Variants in KIF17 observed in about 807,000 individuals in gnomAD.
KIF17 encodes kinesin-like protein KIF17.
A neutral mutation model predicts 96.8 loss-of-function variants in KIF17; 80 were observed. That is an observed-to-expected ratio of 0.83 (90% CI 0.69 to 1.00). The LOEUF is 1.00. Ranked by LOEUF, KIF17 falls within the 50% of genes least tolerant of loss-of-function variation. The probability of loss-of-function intolerance (pLI) is 0.00; values close to 1 mark genes in which losing one functional copy is unlikely to be tolerated. For synonymous variants in KIF17, 567 were observed against 587.5 expected (o/e 0.97, Z 0.51); for missense variants, 1,280 against 1,372.9 (o/e 0.93, Z 1.07).
At position 20,695,005 on chromosome 1, in the gene KIF17, C is replaced by T. The variant is rs1213833165; in HGVS notation, c.1233+3374G>A. On this transcript the variant is annotated intron_variant, in intron 6 of 14. Coordinates refer to ENST00000400463, the MANE Select transcript of KIF17 (RefSeq NM_001122819.3). ...ACGTGGATGGAAACACACATATATG[C>T]GCACACACACATGCAGGCACACACA... 2.6e-5 allele frequency among the ~76,000 whole-genome samples: 4 copies of T among 152,160 alleles called. No individual in the cohort carries two copies. In the South Asian group the frequency reaches 6.2e-4, roughly 24 times the overall value.
At chr1:20,682,591 G>A (rs1251034139) in intron 11 of KIF17, 62 bp downstream of exon 11, 1 of 1,441,994 alleles carries the variant, frequency 6.9e-7, no homozygotes, top group African/African-American at 1.4e-5. Flanking sequence ...AGGGATGCCT[G>A]GATCGGGGGG....
In KIF17 at chr1:20,709,924, C is replaced by A; in HGVS notation, c.481-96G>T. On this transcript the variant is annotated intron_variant, in intron 3 of 14. Transcript: ENST00000400463. The surrounding 1 kb of genome is among the most constrained non-coding windows in gnomAD (Gnocchi z 4.7). ...ACCAGAGAGAAGGGCCCCATCCAGACCGCCCTCGCCCTCCTGTAATGCAGG... is the reference window on the plus strand; with the variant it reads ...ACCAGAGAGAAGGGCCCCATCCAGAACGCCCTCGCCCTCCTGTAATGCAGG... 1 of 1,141,236 alleles carries A rather than the reference C, an allele frequency of 8.8e-7. No homozygotes were observed. The highest frequency in any genetic ancestry group is 1.3e-6 in the Non-Finnish European group (1 of 779,526). 70.7% of individuals were successfully genotyped at this position (1,141,236 alleles called of 1,614,324 possible). A position where few individuals can be genotyped will look rare whatever the true frequency, so the allele number is the denominator to read the frequency against.
At position 20,686,178 on chromosome 1, in the gene KIF17, C is replaced by T. The variant is rs1337868947; in HGVS notation, c.1939-52G>A. The stretch of plus-strand genomic sequence containing the variant: ...AAAGAAGGCTGATTTGGGCCAGAAC[C>T]ATCCTTTACTCCCTCACCCCTGGCC... On this transcript the variant is annotated intron_variant, in intron 8 of 14. Coordinates refer to ENST00000400463, the MANE Select transcript of KIF17 (RefSeq NM_001122819.3). 3.4e-6 allele frequency: 5 copies of T among 1,453,904 alleles called. No individual in the cohort carries two copies. The East Asian group carries it at 1.2e-4, about 36-fold the overall frequency. The allele number at this position is 1,453,904 out of a possible 1,614,324, so 90.1% of individuals were successfully genotyped here.
At position 20,690,756 on chromosome 1, in the gene KIF17, G is replaced by A. The variant is rs373730742; in HGVS notation, c.1234-421C>T. Among the ~76,000 whole-genome samples, 62 of 151,394 alleles carry A rather than the reference G, an allele frequency of 4.1e-4. 1 individual carries two copies. Among genetic ancestry groups the A allele is most frequent in the East Asian group, 1.4e-3 (7 of 5,086 alleles). On this transcript the variant is annotated intron_variant, in intron 6 of 14. Coordinates refer to ENST00000400463, the MANE Select transcript of KIF17 (RefSeq NM_001122819.3). ...GGCTGGAGTGCAGTGGCGCCATCTC[G>A]GCTCACTGCAAGCTCTGCCTCCCAG...
At chr1:20,712,847 G>GCT (rs2054492142) in intron 3 of KIF17, among the ~76,000 whole-genome samples, 1 of 13,816 alleles carries the variant, frequency 7.2e-5, no homozygotes, top group Non-Finnish European at 1.8e-4. Flanking sequence ...TATAGATATA[G>GCT]ATAATATTAT....
chr1:20,668,363 A>G (rs2053572139), intron 13 of KIF17, among the ~76,000 whole-genome samples: 1 of 151,890 alleles, frequency 6.6e-6, no homozygotes, highest in African/African-American at 2.4e-5. Flanking sequence ...TTCAGCCCCT[A>G]GATCCAGCCG....
At chr1:20,663,564 A>G (rs1414956673), downstream of KIF17, among the ~76,000 whole-genome samples, 1 of 152,210 alleles carries the variant, frequency 6.6e-6, no homozygotes, top group Non-Finnish European at 1.5e-5. Context: ...GACTGTGCCA[A>G]AGGCCAAGCC....
intron 11 of KIF17, among the ~76,000 whole-genome samples, chr1:20,679,833 T>C (rs2053800365): frequency 6.6e-6 from 1 of 152,198 alleles, no homozygotes; most frequent in Non-Finnish European, 1.5e-5. Context: ...GCTAACACCT[T>C]GATTTCAGCC....
intron 11 of KIF17, among the ~76,000 whole-genome samples, chr1:20,677,851 G>C (rs924432662): frequency 6.6e-6 from 1 of 152,228 alleles, no homozygotes; most frequent in African/African-American, 2.4e-5. Context: ...GCGAGACTCC[G>C]TCTCAAAAAC....
chr1:20,712,582 CTATATATATATCTATATATATCTATA>C (rs1218653631), intron 3 of KIF17, among the ~76,000 whole-genome samples: 1 of 35,320 alleles, frequency 2.8e-5, no homozygotes, highest in Non-Finnish European at 6.4e-5. Context: ...ATAATATTAT[CTATATATATATCTATATATATCTATA>C]TATATATAAT....
Position 20,712,599 on chromosome 1 carries a change from TATATCTATATATATATAATATAGATA to T in KIF17, c.480+829_480+854del, listed in dbSNP as rs2054464125. Among the ~76,000 whole-genome samples the T allele has an allele frequency of 3.4e-4, 5 of 14,836 alleles. 1 individual carries two copies. The highest frequency in any genetic ancestry group is 1.7e-3 in the South Asian group (1 of 578). 9.7% of individuals were successfully genotyped at this position (14,836 alleles called of 152,430 possible). On this transcript the variant is annotated intron_variant, in intron 3 of 14. Coordinates refer to ENST00000400463, the MANE Select transcript of KIF17 (RefSeq NM_001122819.3). ...AATATTATCTATATATATATCTATA[TATATCTATATATATATAATATAGATA>T]ATATCTATATATATAATATAGATAA...
intron 3 of KIF17, among the ~76,000 whole-genome samples, chr1:20,710,445 A>T (rs116155519): frequency 0.017 from 2,653 of 152,328 alleles, 24 homozygotes; most frequent in Non-Finnish European, 0.027. Context: ...CCCAGCCCTC[A>T]GGGCGATGGC....
In KIF17 at chr1:20,704,783, T is replaced by C. The variant is rs200488493; in HGVS notation, c.787A>G (p.Ile263Val). ...TGERLKEATK[I>V]NLSLSALGNV... ...CCCAGTGCCGAGAGCGACAGGTTGATCTTGGTGGCCTCCTTGAGCCGCTCG... is the reference window on the plus strand; with the variant it reads ...CCCAGTGCCGAGAGCGACAGGTTGACCTTGGTGGCCTCCTTGAGCCGCTCG... Residue 263 changes from isoleucine to valine, a missense_variant, in exon 5 of 15, where the codon ATC (isoleucine) becomes GTC (valine). By Grantham distance (29) the Ile-to-Val change is conservative. Coordinates refer to ENST00000400463, the MANE Select transcript of KIF17 (RefSeq NM_001122819.3). The surrounding 1 kb of genome is among the most constrained non-coding windows in gnomAD (Gnocchi z 6.8). The C allele has an allele frequency of 2.4e-5, 38 of 1,611,056 alleles. No homozygotes were observed. Among genetic ancestry groups the C allele is most frequent in the Non-Finnish European group, 3.2e-5 (38 of 1,179,614 alleles).
chr1:20,705,888 T>G (rs2054332212), intron 4 of KIF17, among the ~76,000 whole-genome samples: 1 of 138,290 alleles, frequency 7.2e-6, no homozygotes, highest in Non-Finnish European at 1.6e-5. Flanking sequence ...CTCAGTAGGA[T>G]GTCTCTTTTT....
chr1:20,673,586 G>A (rs773763667), intron 11 of KIF17, among the ~76,000 whole-genome samples: 8 of 147,668 alleles, frequency 5.4e-5, no homozygotes, highest in East Asian at 2.0e-4. Flanking sequence ...GCTGGAGTGC[G>A]GTGGCATGAT....
chr1:20,678,268 A>T (rs546624869), intron 11 of KIF17, among the ~76,000 whole-genome samples: 119 of 152,194 alleles, frequency 7.8e-4, no homozygotes, highest in Non-Finnish European at 9.6e-4. Context: ...AACCGACCCC[A>T]TGACTGAATT....
rs370795764 is a variant in KIF17 at position 20,705,273 on chromosome 1, G to A, written c.671-374C>T. On this transcript the variant is annotated intron_variant, in intron 4 of 14. Transcript: ENST00000400463. ...AAGGTAGAGAAGGGCAGGGGTGTGG[G>A]CTGGATCACCAGGGAGTGATGTCAT... Among the ~76,000 whole-genome samples, 686 of 152,314 alleles carry A rather than the reference G, an allele frequency of 4.5e-3. 4 individuals are homozygous for A. The highest frequency in any genetic ancestry group is 0.016 in the African/African-American group (651 of 41,554).
In KIF17 at chr1:20,674,575, C is replaced by CTT. The variant is rs34777403; in HGVS notation, c.2464-2381_2464-2380dup. Among the ~76,000 whole-genome samples, 993 of 142,288 alleles carry CTT rather than the reference C, an allele frequency of 7.0e-3. 10 individuals carry two copies. The highest frequency in any genetic ancestry group is 0.02 in the African/African-American group (790 of 38,690). 93.3% of individuals were successfully genotyped at this position (142,288 alleles called of 152,430 possible). On this transcript the variant is annotated intron_variant, in intron 11 of 14. Transcript: ENST00000400463. The stretch of plus-strand genomic sequence containing the variant: ...CCACTGCACCATCCAATTTATCCCT[C>CTT]TTTTTTTTTTTTTTTTAAGTAACTT...
At chr1:20,688,247 A>G (rs2053976177) in intron 7 of KIF17, among the ~76,000 whole-genome samples, 1 of 151,884 alleles carries the variant, frequency 6.6e-6, no homozygotes, top group African/African-American at 2.4e-5. Flanking sequence ...ACAGGGTTTC[A>G]CCATGTTAGC....
Sources: gnomAD v4.1 joint callset for allele counts (sites outside exome capture counted in the v4.1 genomes callset) on GRCh38, gnomAD v4.1.1 for gene constraint, Gnocchi (gnomAD v3.1) non-coding constraint, MANE v1.5 for transcripts, NCBI Gene and HGNC (gene_info 2026-07-23, HGNC 2026-07-21) for gene names.